XNDC1N: variants seen among roughly 807,000 people sequenced by gnomAD.
The protein encoded by XNDC1N is protein XNDC1N.
chr11:71,902,336 C>T, the XNDC1N span, among the ~76,000 whole-genome samples: 2 of 152,200 alleles, frequency 1.3e-5, no homozygotes, highest in Non-Finnish European at 2.9e-5. Flanking sequence ...GGACTACAGG[C>T]GCACGCCGCC....
At chr11:71,908,401 AATTAT>A in the XNDC1N span, among the ~76,000 whole-genome samples, 1 of 151,950 alleles carries the variant, frequency 6.6e-6, no homozygotes, top group African/African-American at 2.4e-5. Context: ...TGATTTTAAA[AATTAT>A]ATTATGGGTT....
At chr11:71,911,302 T>G in the XNDC1N span, among the ~76,000 whole-genome samples, 1 of 152,168 alleles carries the variant, frequency 6.6e-6, no homozygotes, top group Non-Finnish European at 1.5e-5. Flanking sequence ...ACCATTGAAG[T>G]TTGTAACAGC....
chr11:71,881,512 T>C, the XNDC1N span, among the ~76,000 whole-genome samples: 2 of 152,202 alleles, frequency 1.3e-5, no homozygotes, highest in Non-Finnish European at 2.9e-5. Context: ...CTTCTTGCCA[T>C]GTCCTCTTAT....
the XNDC1N span, among the ~76,000 whole-genome samples, chr11:71,888,280 A>G: frequency 6.6e-6 from 1 of 152,180 alleles, no homozygotes; most frequent in African/African-American, 2.4e-5. Flanking sequence ...AAAGCAGGTC[A>G]TTTGCCATCT....
chr11:71,872,945 C>T, the XNDC1N span, among the ~76,000 whole-genome samples: 1 of 152,156 alleles, frequency 6.6e-6, no homozygotes, highest in Non-Finnish European at 1.5e-5. Flanking sequence ...TATCAAAGCT[C>T]TTCTCTATCT....
chr11:71,910,358 T>A, the XNDC1N span, among the ~76,000 whole-genome samples: 1 of 152,172 alleles, frequency 6.6e-6, no homozygotes, highest in African/African-American at 2.4e-5. Context: ...GATTAGCCCC[T>A]GAGAGGCAGA....
the XNDC1N span, among the ~76,000 whole-genome samples, chr11:71,912,322 G>T: frequency 6.6e-6 from 1 of 152,286 alleles, no homozygotes; most frequent in African/African-American, 2.4e-5. Flanking sequence ...GGTGGGTGGA[G>T]ATCTGGGTCT....
the XNDC1N span, among the ~76,000 whole-genome samples, chr11:71,927,091 T>C: frequency 1.3e-5 from 2 of 151,216 alleles, no homozygotes; most frequent in Non-Finnish European, 2.9e-5. Flanking sequence ...ACAAAATATT[T>C]TTAAAAATTA....
the XNDC1N span, among the ~76,000 whole-genome samples, chr11:71,920,785 G>A: frequency 6.6e-6 from 1 of 151,880 alleles, no homozygotes; most frequent in African/African-American, 2.4e-5. Flanking sequence ...ATATTTTTTG[G>A]TTGAGCGATC....
chr11:71,889,587 G>A, the XNDC1N span, among the ~76,000 whole-genome samples: 1 of 152,230 alleles, frequency 6.6e-6, no homozygotes, highest in East Asian at 1.9e-4. Flanking sequence ...TACTGGCTGT[G>A]CAAGAAACCA....
chr11:71,874,747 AAG>A, the XNDC1N span, among the ~76,000 whole-genome samples: 625 of 152,338 alleles, frequency 4.1e-3, 7 homozygotes, highest in African/African-American at 0.014. Flanking sequence ...CAAGTGCAGA[AAG>A]AGAAAAAAAA....
At chr11:71,902,774 A>G in the XNDC1N span, among the ~76,000 whole-genome samples, 1 of 152,276 alleles carries the variant, frequency 6.6e-6, no homozygotes, top group African/African-American at 2.4e-5. Context: ...ATCTCGTAGA[A>G]TAAATAAAAT....
chr11:71,911,254 C>T, the XNDC1N span, among the ~76,000 whole-genome samples: 6 of 152,252 alleles, frequency 3.9e-5, no homozygotes, highest in African/African-American at 1.4e-4. Flanking sequence ...GCCAGACTCA[C>T]CAAGTACCAG....
chr11:71,928,540 A>T, the XNDC1N span: 1 of 702,588 alleles, frequency 1.4e-6, no homozygotes, highest in Non-Finnish European at 2.6e-6. Context: ...TTTGAAAATG[A>T]GTCCTACCGA....
the XNDC1N span, chr11:71,919,083 T>A: frequency 2.9e-6 from 2 of 693,094 alleles, no homozygotes; most frequent in East Asian, 5.4e-5. Context: ...GGAAAAAGGA[T>A]GCCCATGAAT....
chr11:71,871,548 T>A, the XNDC1N span, among the ~76,000 whole-genome samples: 6 of 152,280 alleles, frequency 3.9e-5, no homozygotes, highest in East Asian at 1.2e-3. Flanking sequence ...AAAAAAATAA[T>A]GATTTTAGGT....
the XNDC1N span, among the ~76,000 whole-genome samples, chr11:71,921,422 G>A: frequency 6.6e-6 from 1 of 152,130 alleles, no homozygotes; most frequent in African/African-American, 2.4e-5. Flanking sequence ...GGGATTACAG[G>A]TGTAAGCCAC....
At chr11:71,871,294 CAT>C in the XNDC1N span, among the ~76,000 whole-genome samples, 108 of 152,228 alleles carry the variant, frequency 7.1e-4, no homozygotes, top group African/African-American at 2.5e-3. Context: ...ACAAATATTA[CAT>C]GTTTCACTTA....
the XNDC1N span, among the ~76,000 whole-genome samples, chr11:71,915,030 T>C: frequency 6.6e-6 from 1 of 152,200 alleles, no homozygotes; most frequent in Admixed American, 6.5e-5. Flanking sequence ...AAGAGTAGAT[T>C]GATGTGGCAA....
Sources: allele counts gnomAD v4.1 joint callset (sites outside exome capture counted in the v4.1 genomes callset), GRCh38; gene constraint gnomAD v4.1.1; transcripts MANE v1.5; gene names NCBI Gene and HGNC (gene_info 2026-07-23, HGNC 2026-07-21).